SORCS2: variants seen among roughly 807,000 people sequenced by gnomAD.
SORCS2 encodes the protein sortilin related VPS10 domain containing receptor 2, also known as VPS10 domain-containing receptor SorCS2.
SORCS2 carries 100 observed loss-of-function variants against 141.6 expected under a neutral mutation model. The observed-to-expected ratio is 0.71, with a 90% CI of 0.60 to 0.83. The LOEUF is 0.83. Among genes scored for constraint, SORCS2 ranks in the 40% least tolerant of loss-of-function variants. The pLI is 0.00. For synonymous variants in SORCS2, 789 were observed against 676.9 expected, an observed-to-expected ratio of 1.17 and a Z score of -2.57; for missense variants, 1,646 against 1,560.2, an observed-to-expected ratio of 1.05 and a Z score of -0.93.
intron 1 of SORCS2, among the ~76,000 whole-genome samples, chr4:7,257,758 C>T (rs138876269): frequency 5.6e-4 from 85 of 152,336 alleles, no homozygotes; most frequent in African/African-American, 1.9e-3. Flanking sequence ...CCCCCAGCCC[C>T]TTGTCCTTCT....
At chr4:7,443,572 T>G (rs763547462) in intron 2 of SORCS2, among the ~76,000 whole-genome samples, 67 of 152,144 alleles carry the variant, frequency 4.4e-4, no homozygotes, top group Non-Finnish European at 8.5e-4. Flanking sequence ...ACTCCAGACA[T>G]TTAGAAGCCG....
At chr4:7,406,573 G>A (rs528554651) in intron 2 of SORCS2, among the ~76,000 whole-genome samples, 21 of 151,704 alleles carry the variant, frequency 1.4e-4, no homozygotes, top group African/African-American at 4.8e-4. Flanking sequence ...TGTGGTCTCA[G>A]TTGTTATGTC....
Position 7,319,138 on chromosome 4 carries a change from T to G in SORCS2, c.481-77150T>G, listed in dbSNP as rs73075757. ...CAGTTTGTATTTTCATATTCAGCAT[T>G]TAGGCTGTTTCCAGTTTTTGGTGAT... On this transcript the variant is annotated intron_variant, in intron 1 of 26. Coordinates refer to ENST00000507866, the MANE Select transcript of SORCS2 (RefSeq NM_020777.3). Among the ~76,000 whole-genome samples the G allele has an allele frequency of 5.4e-3, 816 of 152,184 alleles. 15 individuals are homozygous for G. Among genetic ancestry groups the G allele is most frequent in the African/African-American group, 0.018 (765 of 41,512 alleles).
chr4:7,697,426 C>T (rs1724783580), intron 12 of SORCS2, among the ~76,000 whole-genome samples, 152 bp downstream of exon 12: 1 of 152,230 alleles, frequency 6.6e-6, no homozygotes. Flanking sequence ...TGGCTGGAGC[C>T]AGGGCTCACT....
chr4:7,300,553 C>T (rs552909809), intron 1 of SORCS2, among the ~76,000 whole-genome samples: 2 of 152,196 alleles, frequency 1.3e-5, no homozygotes, highest in African/African-American at 4.8e-5. Flanking sequence ...TTGTAAGCAA[C>T]GTGCACGCGT....
At chr4:7,610,811 A>C (rs1718358019) in intron 3 of SORCS2, among the ~76,000 whole-genome samples, 1 of 152,190 alleles carries the variant, frequency 6.6e-6, no homozygotes, top group Admixed American at 6.5e-5. Flanking sequence ...CCCGGGAGCC[A>C]AGGTGGGTGG....
chr4:7,322,272 G>A (rs73208471), intron 1 of SORCS2, among the ~76,000 whole-genome samples: 38,630 of 152,052 alleles, frequency 0.25, 5,201 homozygotes, highest in Non-Finnish European at 0.29. Context: ...CAGAGGGGGC[G>A]GTGAGGATGA....
At chr4:7,589,200 T>C (rs147146553) in intron 3 of SORCS2, among the ~76,000 whole-genome samples, 286 of 152,288 alleles carry the variant, frequency 1.9e-3, no homozygotes, top group African/African-American at 6.5e-3. Context: ...GGAGGCCAGT[T>C]AGGAGATCCT....
chr4:7,543,610 G>GTCCATCCACCCATCCA (rs1712895368), intron 3 of SORCS2, among the ~76,000 whole-genome samples: 8 of 52,126 alleles, frequency 1.5e-4, no homozygotes, highest in Admixed American at 4.1e-4. Context: ...CCATCCATCC[G>GTCCATCCACCCATCCA]TCCATCCACC....
chr4:7,415,686 C>A (rs961655894), intron 2 of SORCS2, among the ~76,000 whole-genome samples: 1 of 152,206 alleles, frequency 6.6e-6, no homozygotes, highest in Non-Finnish European at 1.5e-5. Context: ...GCATCTAGAA[C>A]GATGGTCAGA....
chr4:7,329,065 C>T (rs906036313), intron 1 of SORCS2, among the ~76,000 whole-genome samples: 7 of 152,184 alleles, frequency 4.6e-5, no homozygotes, highest in African/African-American at 9.7e-5. Flanking sequence ...CGGAGGCGAC[C>T]GTGGCTCTGA....
intron 1 of SORCS2, among the ~76,000 whole-genome samples, chr4:7,380,498 T>G (rs1038805268): frequency 6.6e-6 from 1 of 152,084 alleles, no homozygotes; most frequent in African/African-American, 2.4e-5. Context: ...AAACTGAGTG[T>G]TTTCCAAAGT....
rs113171170 is a variant in SORCS2 at position 7,318,721 on chromosome 4, C to T, written c.481-77567C>T. On this transcript the variant is annotated intron_variant, in intron 1 of 26. Transcript: ENST00000507866. ...TCCACAGCCTGACCATTCTTTTTTCCCTTCCAGGTTTATTGAGGTTGAATT... is the reference window on the plus strand; with the variant it reads ...TCCACAGCCTGACCATTCTTTTTTCTCTTCCAGGTTTATTGAGGTTGAATT... Among the ~76,000 whole-genome samples, 607 of 152,212 alleles carry T rather than the reference C, an allele frequency of 4.0e-3. 1 individual carries two copies. The highest frequency in any genetic ancestry group is 0.014 in the African/African-American group (581 of 41,508).
intron 1 of SORCS2, among the ~76,000 whole-genome samples, chr4:7,237,493 C>T (rs561644517): frequency 3.3e-5 from 5 of 152,176 alleles, no homozygotes; most frequent in East Asian, 1.9e-4. Context: ...AACCCTGGGC[C>T]GCAAGACTAG....
intron 1 of SORCS2, among the ~76,000 whole-genome samples, chr4:7,369,084 A>G (rs1577455561): frequency 6.6e-6 from 1 of 152,248 alleles, no homozygotes; most frequent in East Asian, 1.9e-4. Flanking sequence ...AGGCGGGTGG[A>G]TCACTTGAGG....
Position 7,473,525 on chromosome 4 carries a change from C to A in SORCS2, c.549-58005C>A, listed in dbSNP as rs145988507. 1.5e-3 allele frequency among the ~76,000 whole-genome samples: 226 copies of A among 152,262 alleles called. 5 individuals carry two copies. The East Asian group carries it at 0.037, about 25-fold the overall frequency. On this transcript the variant is annotated intron_variant, in intron 2 of 26. Transcript: ENST00000507866. ...GATGCAGACATTCAGAGGCAGGATG[C>A]CCATGGAACCTTCTAGCAGCTTGGC...
chr4:7,666,317 C>T (rs1390682092), intron 7 of SORCS2, among the ~76,000 whole-genome samples: 4 of 152,066 alleles, frequency 2.6e-5, no homozygotes, highest in Non-Finnish European at 5.9e-5. Flanking sequence ...TCGGTGCTCG[C>T]GACATTGTTT....
chr4:7,543,636 C>T (rs1427214825), intron 3 of SORCS2, among the ~76,000 whole-genome samples: 1 of 133,214 alleles, frequency 7.5e-6, no homozygotes, highest in African/African-American at 2.7e-5. Context: ...ATCCACCCAT[C>T]CGTCCATCCG....
At chr4:7,494,048 C>T (rs538854806) in intron 2 of SORCS2, among the ~76,000 whole-genome samples, 8 of 152,072 alleles carry the variant, frequency 5.3e-5, no homozygotes, top group South Asian at 4.2e-4. Flanking sequence ...CACACACATA[C>T]ACTCACATGC....
Sources: gnomAD v4.1 joint callset for allele counts (sites outside exome capture counted in the v4.1 genomes callset) on GRCh38, gnomAD v4.1.1 for gene constraint, MANE v1.5 for transcripts, NCBI Gene and HGNC (gene_info 2026-07-23, HGNC 2026-07-21) for gene names.